Variants in ACER3 observed in about 807,000 individuals in gnomAD.
ACER3 encodes alkaline ceramidase 3, also known as alkCDase 3.
A neutral mutation model predicts 48.9 loss-of-function variants in ACER3; 16 were observed. The observed-to-expected ratio is 0.33, with a 90% CI of 0.22 to 0.50. The LOEUF (loss-of-function observed/expected upper bound fraction) is 0.50. Among genes scored for constraint, ACER3 ranks in the 20% least tolerant of loss-of-function variants. The probability of loss-of-function intolerance (pLI) is 0.98; values close to 1 mark genes in which losing one functional copy is unlikely to be tolerated. For synonymous variants in ACER3, 109 were observed against 107.8 expected (o/e 1.01, Z -0.07); for missense variants, 227 against 326.0 (o/e 0.70, Z 2.34).
intron 1 of ACER3, among the ~76,000 whole-genome samples, chr11:76,882,885 A>G (rs946925813): frequency 2.6e-5 from 4 of 152,114 alleles, no homozygotes; most frequent in African/African-American, 9.7e-5. Flanking sequence ...TGTTATATGC[A>G]CGTGTGGTTC....
chr11:76,965,964 A>G (rs2135089193), intron 3 of ACER3, among the ~76,000 whole-genome samples: 1 of 151,400 alleles, frequency 6.6e-6, no homozygotes, highest in East Asian at 1.9e-4. Flanking sequence ...AACAATATTA[A>G]CCTTAAATGT....
intron 3 of ACER3, among the ~76,000 whole-genome samples, chr11:76,960,425 A>G (rs1947958138): frequency 6.6e-6 from 1 of 151,820 alleles, no homozygotes; most frequent in Admixed American, 6.6e-5. Context: ...AATAATAATC[A>G]TAATAAATTT....
At position 76,965,326 on chromosome 11, in the gene ACER3, G is replaced by A. The variant is rs148434071; in HGVS notation, c.267+6295G>A. Among the ~76,000 whole-genome samples, 84 of 151,432 alleles carry A rather than the reference G, an allele frequency of 5.5e-4. 2 individuals are homozygous for A. Among genetic ancestry groups the A allele is most frequent in the African/African-American group, 1.8e-3 (72 of 40,734 alleles). Reference sequence around the variant, plus strand: ...GGGACTGTGAAAAGACCAAATCTACGTCTGATTGTTGTACCTGAAAGTGAC... The same window carrying A: ...GGGACTGTGAAAAGACCAAATCTACATCTGATTGTTGTACCTGAAAGTGAC... On this transcript the variant is annotated intron_variant, in intron 3 of 10. Coordinates refer to ENST00000532485, the MANE Select transcript of ACER3 (RefSeq NM_018367.7).
At chr11:76,910,656 ATAGTT>A (rs1946355375) in intron 1 of ACER3, among the ~76,000 whole-genome samples, 1 of 152,238 alleles carries the variant, frequency 6.6e-6, no homozygotes, top group Admixed American at 6.5e-5. Flanking sequence ...AAACATATAA[ATAGTT>A]TAGTAACCCA....
rs118029066 is a variant in ACER3, at chr11:76,974,078, T to C, written c.268-2211T>C. 8.5e-3 allele frequency among the ~76,000 whole-genome samples: 1,292 copies of C among 152,374 alleles called. 12 individuals are homozygous for C. Among genetic ancestry groups the C allele is most frequent in the Admixed American group, 0.022 (342 of 15,308 alleles). On this transcript the variant is annotated intron_variant, in intron 3 of 10. Coordinates refer to ENST00000532485, the MANE Select transcript of ACER3 (RefSeq NM_018367.7). ...CTCTCAATTCTATTCTATTGACTTA[T>C]ATATCTATTCTTATGCTATTACCAC...
intron 3 of ACER3, among the ~76,000 whole-genome samples, chr11:76,965,178 G>C (rs559310762): frequency 6.6e-6 from 1 of 151,504 alleles, no homozygotes; most frequent in South Asian, 2.1e-4. Flanking sequence ...AGCCTCAGTA[G>C]CTGATGCGAT....
At chr11:77,007,672 C>T (rs567479184) in intron 7 of ACER3, among the ~76,000 whole-genome samples, 44 of 152,320 alleles carry the variant, frequency 2.9e-4, no homozygotes, top group Middle Eastern at 3.4e-3. Context: ...ATCATTGCCA[C>T]GGGAAGATAG....
chr11:76,895,221 T>G (rs907664789), intron 1 of ACER3, among the ~76,000 whole-genome samples: 7 of 152,188 alleles, frequency 4.6e-5, no homozygotes, highest in African/African-American at 1.7e-4. Flanking sequence ...CATATGTTTT[T>G]GGGCAGATAT....
At chr11:76,964,153 A>G (rs549346548) in intron 3 of ACER3, among the ~76,000 whole-genome samples, 2 of 151,540 alleles carry the variant, frequency 1.3e-5, no homozygotes, top group South Asian at 4.1e-4. Context: ...CAAACCGCAC[A>G]CCAGGAGATT....
chr11:76,879,644 G>A (rs1414040828), intron 1 of ACER3, among the ~76,000 whole-genome samples: 1 of 152,096 alleles, frequency 6.6e-6, no homozygotes, highest in Non-Finnish European at 1.5e-5. Flanking sequence ...TAGGTGTTGG[G>A]TTTGTCAAAT....
intron 3 of ACER3, among the ~76,000 whole-genome samples, chr11:76,967,350 C>T (rs181092406): frequency 7.2e-5 from 11 of 151,968 alleles, no homozygotes; most frequent in South Asian, 2.1e-4. Context: ...CAGGACCAGA[C>T]GGATTCACAG....
At chr11:76,864,190 T>C (rs1468017462) in intron 1 of ACER3, among the ~76,000 whole-genome samples, 1 of 152,236 alleles carries the variant, frequency 6.6e-6, no homozygotes, top group Non-Finnish European at 1.5e-5. Context: ...AAATTCCTTT[T>C]GTTTGAGCAT....
At chr11:77,010,142 G>C (rs1352073650) in intron 7 of ACER3, among the ~76,000 whole-genome samples, 1 of 149,638 alleles carries the variant, frequency 6.7e-6, no homozygotes, top group Non-Finnish European at 1.5e-5. Context: ...ATGTATTCTT[G>C]TGAGACCCTG....
At chr11:76,892,507 A>T (rs992022666) in intron 1 of ACER3, among the ~76,000 whole-genome samples, 1 of 152,112 alleles carries the variant, frequency 6.6e-6, no homozygotes, top group African/African-American at 2.4e-5. Context: ...GCTGTGGCAC[A>T]CTTGTCTTGG....
At chr11:76,873,505 G>A (rs981564842) in intron 1 of ACER3, among the ~76,000 whole-genome samples, 3 of 152,104 alleles carry the variant, frequency 2.0e-5, no homozygotes, top group Non-Finnish European at 2.9e-5. Flanking sequence ...ATCATTCTGG[G>A]TAATGAGTTA....
rs746196441 is a variant in ACER3, at chr11:76,987,021, G to A, written c.402+1297G>A. Among the ~76,000 whole-genome samples, 38 of 152,066 alleles carry A rather than the reference G, an allele frequency of 2.5e-4. 1 individual carries two copies. Among genetic ancestry groups the A allele is most frequent in the African/African-American group, 1.2e-4 (5 of 41,398 alleles). On this transcript the variant is annotated intron_variant, in intron 5 of 10. Transcript: ENST00000532485. ...GCGGAGGCTGCAGTGAGCTGAGATC[G>A]TGCCACTCCACTCCAGCCTAGGCAA... is the stretch of plus-strand genomic sequence containing the variant.
At chr11:76,921,512 T>C (rs1946685000) in intron 1 of ACER3, among the ~76,000 whole-genome samples, 1 of 152,164 alleles carries the variant, frequency 6.6e-6, no homozygotes, top group Non-Finnish European at 1.5e-5. Context: ...CTTATGTTTG[T>C]CATAAATCAG....
In ACER3 at chr11:77,021,756, A is replaced by T. The variant is rs782041696; in HGVS notation, c.*1429A>T. On this transcript the variant is annotated 3_prime_UTR_variant, in exon 11 of 11. Coordinates refer to ENST00000532485, the MANE Select transcript of ACER3 (RefSeq NM_018367.7). ...TTGTCATTTTTTCCAGTATTCAATA[A>T]GTAGCCTTTGTACAAATTTAAAACC... 2.2e-4 allele frequency: 33 copies of T among 152,202 alleles called. No homozygotes were observed. Among genetic ancestry groups the T allele is most frequent in the Non-Finnish European group, 4.7e-4 (32 of 68,018 alleles). 9.4% of individuals were successfully genotyped at this position (152,202 alleles called of 1,614,324 possible).
At chr11:76,870,471 G>T (rs897637305) in intron 1 of ACER3, among the ~76,000 whole-genome samples, 1 of 152,038 alleles carries the variant, frequency 6.6e-6, no homozygotes, top group Non-Finnish European at 1.5e-5. Flanking sequence ...TGTACACTTG[G>T]GTTGCTTCTA....
Sources: gnomAD v4.1 joint callset for allele counts (sites outside exome capture counted in the v4.1 genomes callset) on GRCh38, gnomAD v4.1.1 for gene constraint, MANE v1.5 for transcripts, NCBI Gene and HGNC (gene_info 2026-07-23, HGNC 2026-07-21) for gene names.